Variants in DOCK9 observed in about 807,000 individuals in gnomAD.
The protein encoded by DOCK9 is dedicator of cytokinesis protein 9.
In DOCK9, 89 loss-of-function variants were observed where a neutral mutation model predicts 263.3. The observed-to-expected ratio is 0.34, with a 90% CI of 0.28 to 0.40. DOCK9 has a LOEUF of 0.40. Among genes scored for constraint, DOCK9 ranks in the 10% least tolerant of loss-of-function variants. DOCK9 has a pLI of 1.00. For synonymous variants in DOCK9, 976 were observed against 973.1 expected (o/e 1.00, Z -0.06); for missense variants, 2,140 against 2,603.4 (o/e 0.82, Z 3.87).
intron 38 of DOCK9, among the ~76,000 whole-genome samples, chr13:98,843,495 T>A (rs1023035638): frequency 4.6e-5 from 7 of 152,138 alleles, no homozygotes; most frequent in African/African-American, 1.4e-4. Context: ...AAACACATAA[T>A]GAGAATTGGA....
intron 1 of DOCK9, among the ~76,000 whole-genome samples, chr13:99,047,895 G>T (rs927415881): frequency 2.6e-5 from 4 of 151,810 alleles, no homozygotes; most frequent in Admixed American, 2.6e-4. Flanking sequence ...TCAATGTATT[G>T]TTCTCCCTCC....
At chr13:98,963,898 G>A (rs55793505) in intron 1 of DOCK9, among the ~76,000 whole-genome samples, 4,689 of 152,324 alleles carry the variant, frequency 0.031, 102 homozygotes, top group South Asian at 0.061. Context: ...TCATGCACGT[G>A]ACTCTCGCTA....
At chr13:98,920,135 G>A (rs1344349470) in intron 7 of DOCK9, among the ~76,000 whole-genome samples, 1 of 152,208 alleles carries the variant, frequency 6.6e-6, no homozygotes, top group East Asian at 1.9e-4. Context: ...AAAACTGGTA[G>A]TAGCTCCCCT....
chr13:98,989,601 A>G (rs1879341381), intron 1 of DOCK9, among the ~76,000 whole-genome samples: 1 of 152,172 alleles, frequency 6.6e-6, no homozygotes, highest in Non-Finnish European at 1.5e-5. Context: ...ATGGGTTCCC[A>G]GAAATATCTC....
chr13:99,025,598 T>C (rs1176049588), intron 1 of DOCK9, among the ~76,000 whole-genome samples: 2 of 152,232 alleles, frequency 1.3e-5, no homozygotes. Context: ...CGCACACTGC[T>C]GCTGGGAATG....
intron 38 of DOCK9, chr13:98,845,385 A>G (rs1402654207): frequency 7.4e-7 from 1 of 1,351,394 alleles, no homozygotes; most frequent in Non-Finnish European, 9.8e-7. Context: ...GAAAACACAG[A>G]AAAAGTCACT....
intron 1 of DOCK9, among the ~76,000 whole-genome samples, chr13:99,029,034 G>T (rs1390781315): frequency 6.6e-6 from 1 of 152,166 alleles, no homozygotes; most frequent in African/African-American, 2.4e-5. Flanking sequence ...GCCACCAGGG[G>T]ACACTAGAGG....
intron 35 of DOCK9, among the ~76,000 whole-genome samples, chr13:98,850,852 T>C (rs771352441): frequency 6.6e-6 from 1 of 152,246 alleles, no homozygotes; most frequent in Non-Finnish European, 1.5e-5. Flanking sequence ...GTTTGAGTTC[T>C]ATCATCTAAT....
chr13:98,979,527 T>C (rs1876571498), upstream of DOCK9, among the ~76,000 whole-genome samples: 1 of 152,032 alleles, frequency 6.6e-6, no homozygotes, highest in South Asian at 2.1e-4. Context: ...TCTCTGCCAC[T>C]TGAACACCAG....
At chr13:99,022,960 C>T (rs956369118) in intron 1 of DOCK9, among the ~76,000 whole-genome samples, 2 of 152,132 alleles carry the variant, frequency 1.3e-5, no homozygotes, top group African/African-American at 4.8e-5. Context: ...AAAAATCAAT[C>T]CATCAGGTCT....
At chr13:98,811,424 GT>G (rs34613809) in intron 45 of DOCK9, among the ~76,000 whole-genome samples, 8 of 149,858 alleles carry the variant, frequency 5.3e-5, no homozygotes, top group African/African-American at 1.7e-4. Context: ...TGTCTCTAGG[GT>G]TTTTTTTTTA....
Position 98,923,164 on chromosome 13 carries a change from A to G in DOCK9, c.486+138T>C. On this transcript the variant is annotated intron_variant, in intron 5 of 52. Transcript: ENST00000682017. ...CAATCAATCAATAACATTTTTAAAA[A>G]ATTATTCCCGTTTCATGTAACACTC... 11 of 753,206 alleles carry G rather than the reference A, an allele frequency of 1.5e-5. No individual in the cohort carries two copies. The South Asian group carries it at 1.9e-4, about 13-fold the overall frequency. 46.7% of individuals were successfully genotyped at this position (753,206 alleles called of 1,614,324 possible). A position where few individuals can be genotyped will look rare whatever the true frequency, so the allele number is the denominator to read the frequency against.
At chr13:98,975,324 T>C (rs1403143619) in intron 1 of DOCK9, among the ~76,000 whole-genome samples, 1 of 150,916 alleles carries the variant, frequency 6.6e-6, no homozygotes, top group Non-Finnish European at 1.5e-5. Context: ...ATCGTACCAC[T>C]GCACTGCAAC....
chr13:98,845,239 C>A (rs1566689911), intron 38 of DOCK9: 1 of 921,028 alleles, frequency 1.1e-6, no homozygotes, highest in Non-Finnish European at 1.5e-6. Context: ...TAGAAAGCCC[C>A]AAAGTTAGGA....
intron 1 of DOCK9, among the ~76,000 whole-genome samples, chr13:99,002,554 G>A (rs1882563596): frequency 6.6e-6 from 1 of 152,174 alleles, no homozygotes; most frequent in East Asian, 1.9e-4. Flanking sequence ...TGGTCAGTGG[G>A]TTCACACAGC....
At position 99,079,005 on chromosome 13, in the gene DOCK9, C is replaced by T. The variant is rs373264737; in HGVS notation, c.129+7218G>A. Among the ~76,000 whole-genome samples the T allele has an allele frequency of 1.6e-3, 251 of 152,288 alleles. 9 individuals are homozygous for T. In the South Asian group the frequency reaches 0.048, roughly 29 times the overall value. On this transcript the variant is annotated intron_variant, in intron 1 of 32. Coordinates refer to the DOCK9 transcript ENST00000427887. ...ATAGGTCAGGCCGATAGCCAGTCAACGAATGTATATAAGAGATTTATGCTA... is the reference window on the plus strand; with the variant it reads ...ATAGGTCAGGCCGATAGCCAGTCAATGAATGTATATAAGAGATTTATGCTA...
In DOCK9 at chr13:98,853,466, C is replaced by A; in HGVS notation, c.3888G>T (p.Gln1296His). The change falls in exon 35 of 53, where the codon CAG becomes CAT. Residue 1296 changes from glutamine to histidine, a missense_variant. Physicochemically the swap from Gln to His is conservative, Grantham distance 24. This residue lies in a region of DOCK9 where 1,521 missense variants were observed against 1,741.7 expected (regional missense o/e 0.87). Coordinates refer to ENST00000682017, the MANE Select transcript of DOCK9 (RefSeq NM_001366683.2). The part of the protein sequence containing the change: ...NSVVRCDKLD[Q>H]SEIKSLLMCF... ...ACATCAGTAGGCTCTTAATCTCAGACTGGTCAAGTTTATCACAGCGAACCA... is the reference window on the plus strand; with the variant it reads ...ACATCAGTAGGCTCTTAATCTCAGAATGGTCAAGTTTATCACAGCGAACCA... 6.2e-7 allele frequency: 1 copy of A among 1,613,772 alleles called. No individual in the cohort carries two copies. Among genetic ancestry groups the A allele is most frequent in the Non-Finnish European group, 8.5e-7 (1 of 1,179,798 alleles).
intron 3 of DOCK9, among the ~76,000 whole-genome samples, chr13:98,929,679 A>C (rs1385266395): frequency 6.6e-6 from 1 of 151,624 alleles, no homozygotes; most frequent in Non-Finnish European, 1.5e-5. Flanking sequence ...CAATATATAT[A>C]ATAATATATA....
At chr13:98,996,492 C>T (rs1016800139) in intron 1 of DOCK9, among the ~76,000 whole-genome samples, 1 of 152,222 alleles carries the variant, frequency 6.6e-6, no homozygotes, top group African/African-American at 2.4e-5. Flanking sequence ...CTGTGCCTTA[C>T]AGGTCCTTAC....
Sources: allele counts gnomAD v4.1 joint callset (sites outside exome capture counted in the v4.1 genomes callset), GRCh38; gene constraint gnomAD v4.1.1; regional missense constraint gnomAD v4.1.1; transcripts MANE v1.5; gene names NCBI Gene and HGNC (gene_info 2026-07-23, HGNC 2026-07-21).